The following SMARCAL1 variants were observed in gnomAD, a reference collection of about 807,000 sequenced individuals.
The protein encoded by SMARCAL1 is SNF2 related chromatin remodeling annealing helicase 1.
A neutral mutation model predicts 94.5 loss-of-function variants in SMARCAL1; 58 were observed. The observed-to-expected ratio is 0.61, with a 90% CI of 0.50 to 0.76. SMARCAL1 has a LOEUF of 0.76. SMARCAL1 is among the 30% of genes least tolerant of loss of function. The probability of loss-of-function intolerance (pLI) is 0.00; values close to 1 mark genes in which losing one functional copy is unlikely to be tolerated. For synonymous variants in SMARCAL1, 422 were observed against 455.1 expected (o/e 0.93, Z 0.93); for missense variants, 1,051 against 1,177.9 (o/e 0.89, Z 1.58).
At position 216,480,029 on chromosome 2, in the gene SMARCAL1, G is replaced by A. The variant is rs1452273349; in HGVS notation, c.2625+1730G>A. ...ATCACACCACTGCATTTCAGCCTAG[G>A]CAACAGAGACAGACCTTGTCTCAAA... On this transcript the variant is annotated intron_variant, in intron 17 of 17. Coordinates refer to ENST00000357276, the MANE Select transcript of SMARCAL1 (RefSeq NM_014140.4). Among the ~76,000 whole-genome samples the A allele has an allele frequency of 2.6e-5, 4 of 152,144 alleles. No individual in the cohort carries two copies. In the East Asian group the frequency reaches 7.7e-4, roughly 29 times the overall value.
intron 7 of SMARCAL1, among the ~76,000 whole-genome samples, chr2:216,430,307 T>C (rs753153643): frequency 3.4e-4 from 52 of 152,366 alleles, no homozygotes; most frequent in East Asian, 3.9e-4. Context: ...TTTTCTTTAA[T>C]GCAAGAACTA....
At chr2:216,443,188 G>A (rs1469094323) in intron 10 of SMARCAL1, among the ~76,000 whole-genome samples, 2 of 151,912 alleles carry the variant, frequency 1.3e-5, no homozygotes, top group Non-Finnish European at 2.9e-5. Flanking sequence ...AGACTGGCTG[G>A]CCAACATGGT....
intron 6 of SMARCAL1, among the ~76,000 whole-genome samples, chr2:216,425,872 C>T (rs1693823147): frequency 6.6e-6 from 1 of 152,178 alleles, no homozygotes; most frequent in Non-Finnish European, 1.5e-5. Context: ...GGGTTGTGGA[C>T]TCCACCTGGA....
chr2:216,422,638 G>T (rs1693749239), intron 5 of SMARCAL1, among the ~76,000 whole-genome samples: 1 of 152,180 alleles, frequency 6.6e-6, no homozygotes, highest in African/African-American at 2.4e-5. Context: ...TGTCTGCTTT[G>T]TTCCTTCCAT....
At chr2:216,461,884 C>T (rs991241085) in intron 12 of SMARCAL1, among the ~76,000 whole-genome samples, 8 of 151,938 alleles carry the variant, frequency 5.3e-5, no homozygotes, top group South Asian at 2.1e-4. Context: ...TTTTCTCACA[C>T]GGCTATAATT....
At chr2:216,428,383 C>T (rs1363663531) in intron 6 of SMARCAL1, among the ~76,000 whole-genome samples, 1 of 152,140 alleles carries the variant, frequency 6.6e-6, no homozygotes, top group Non-Finnish European at 1.5e-5. Flanking sequence ...AAGGTCAGTG[C>T]AATTCATTTG....
intron 14 of SMARCAL1, among the ~76,000 whole-genome samples, chr2:216,474,520 C>G (rs1441628268): frequency 6.7e-6 from 1 of 149,862 alleles, no homozygotes; most frequent in East Asian, 2.0e-4. Flanking sequence ...TTTGGGAGGC[C>G]GAGGCAGGCG....
At chr2:216,455,987 A>G (rs1694557510) in intron 12 of SMARCAL1, among the ~76,000 whole-genome samples, 1 of 152,208 alleles carries the variant, frequency 6.6e-6, no homozygotes, top group Non-Finnish European at 1.5e-5. Context: ...AGAATAACCA[A>G]TGCAGAGAAG....
At chr2:216,479,325 T>G (rs1695151403) in intron 17 of SMARCAL1, 1 of 151,830 alleles carries the variant, frequency 6.6e-6, no homozygotes, top group Non-Finnish European at 1.5e-5. Context: ...TAGTCCCAGC[T>G]ACTCCAGAGG....
chr2:216,432,446 G>A (rs1339110324), intron 7 of SMARCAL1, among the ~76,000 whole-genome samples: 1 of 152,008 alleles, frequency 6.6e-6, no homozygotes, highest in Non-Finnish European at 1.5e-5. Context: ...TCCTTCTTTG[G>A]CCTCCACGAC....
intron 10 of SMARCAL1, among the ~76,000 whole-genome samples, chr2:216,445,700 C>A (rs1396206355): frequency 6.6e-6 from 1 of 152,128 alleles, no homozygotes; most frequent in Non-Finnish European, 1.5e-5. Context: ...TGCATTAAAC[C>A]GTGCAGGAAG....
At position 216,474,128 on chromosome 2, in the gene SMARCAL1, C is replaced by CTTTTTTTTTT. The variant is rs1182416023; in HGVS notation, c.2245-1121_2245-1112dup. On this transcript the variant is annotated intron_variant, in intron 14 of 17. Transcript: ENST00000357276. ...ATTTATATAACATTTGTATAGCATT[C>CTTTTTTTTTT]TTTTTTTTTTTTTTTTTTTTTTTTT... is the stretch of plus-strand genomic sequence containing the variant. Among the ~76,000 whole-genome samples the CTTTTTTTTTT allele has an allele frequency of 3.4e-4, 22 of 64,924 alleles. 1 individual carries two copies. The highest frequency in any genetic ancestry group is 1.2e-3 in the African/African-American group (21 of 17,186). 42.6% of individuals were successfully genotyped at this position (64,924 alleles called of 152,430 possible).
intron 7 of SMARCAL1, 117 bp from the exon 8 acceptor site, chr2:216,432,601 C>A: frequency 2.4e-6 from 3 of 1,230,008 alleles, no homozygotes; most frequent in Non-Finnish European, 3.5e-6. Flanking sequence ...TGGTGGTGGG[C>A]TGGGCCCGGG....
intron 10 of SMARCAL1, among the ~76,000 whole-genome samples, chr2:216,442,416 CA>C (rs375677725): frequency 7.3e-3 from 647 of 88,748 alleles, no homozygotes; most frequent in Middle Eastern, 0.024. Context: ...GACTCTGTCT[CA>C]AAAAAAAAAA....
At chr2:216,476,627 A>T (rs1485637831) in intron 15 of SMARCAL1, among the ~76,000 whole-genome samples, 1 of 152,228 alleles carries the variant, frequency 6.6e-6, no homozygotes, top group African/African-American at 2.4e-5. Flanking sequence ...AGTATTTATT[A>T]TAAGGCTTAC....
At chr2:216,455,716 A>C (rs534800887) in intron 12 of SMARCAL1, among the ~76,000 whole-genome samples, 1 of 152,366 alleles carries the variant, frequency 6.6e-6, no homozygotes, top group African/African-American at 2.4e-5. Flanking sequence ...CCATCATCAA[A>C]GAGCAAAGGT....
At chr2:216,440,660 G>A (rs1468702871) in intron 10 of SMARCAL1, among the ~76,000 whole-genome samples, 1 of 152,226 alleles carries the variant, frequency 6.6e-6, no homozygotes, top group Non-Finnish European at 1.5e-5. Context: ...GGCTGAAGGA[G>A]TGGGATGGAG....
At chr2:216,440,447 T>C (rs1041923538) in intron 10 of SMARCAL1, among the ~76,000 whole-genome samples, 1 of 152,236 alleles carries the variant, frequency 6.6e-6, no homozygotes, top group Non-Finnish European at 1.5e-5. Flanking sequence ...CTTTAATATC[T>C]TGAGTGTGTT....
chr2:216,473,468 G>C (rs1258894289), intron 14 of SMARCAL1, among the ~76,000 whole-genome samples: 1 of 151,138 alleles, frequency 6.6e-6, no homozygotes, highest in Admixed American at 6.6e-5. Flanking sequence ...CTTGTTGATG[G>C]ACATTTACCA....
Sources: allele counts gnomAD v4.1 joint callset (sites outside exome capture counted in the v4.1 genomes callset), GRCh38; gene constraint gnomAD v4.1.1; transcripts MANE v1.5; gene names NCBI Gene and HGNC (gene_info 2026-07-23, HGNC 2026-07-21).